Variants in COL24A1 observed in about 807,000 individuals in gnomAD.
COL24A1 encodes the protein collagen alpha-1(XXIV) chain.
In COL24A1, 224 loss-of-function variants were observed where a neutral mutation model predicts 253.9. The ratio of observed to expected loss-of-function variants is 0.88; its 90% CI spans 0.79 to 0.99. The LOEUF is 0.99. Among genes scored for constraint, COL24A1 ranks in the 50% least tolerant of loss-of-function variants. COL24A1 has a pLI of 0.00. For synonymous variants in COL24A1, 685 were observed against 673.7 expected (o/e 1.02, Z -0.26); for missense variants, 2,131 against 2,068.5 (o/e 1.03, Z -0.59).
chr1:85,731,603 T>G (rs1039876649), intron 59 of COL24A1, among the ~76,000 whole-genome samples: 1 of 152,180 alleles, frequency 6.6e-6, no homozygotes, highest in Admixed American at 6.5e-5. Context: ...ATATTTAGCA[T>G]AGTTGAATAA....
At chr1:86,054,630 G>A (rs1256307652) in intron 10 of COL24A1, among the ~76,000 whole-genome samples, 1 of 152,010 alleles carries the variant, frequency 6.6e-6, no homozygotes, top group Admixed American at 6.6e-5. Flanking sequence ...TTATTAAAAA[G>A]TCAGAAAATA....
intron 3 of COL24A1, among the ~76,000 whole-genome samples, chr1:86,124,374 C>T (rs1355605499): frequency 6.8e-6 from 1 of 147,002 alleles, no homozygotes; most frequent in Admixed American, 6.9e-5. Context: ...GTAAGTTTTA[C>T]ACTCTATTTT....
At chr1:85,733,906 A>AT (rs112415867) in intron 59 of COL24A1, among the ~76,000 whole-genome samples, 44,702 of 131,314 alleles carry the variant, frequency 0.34, 7,360 homozygotes, top group East Asian at 0.5. Context: ...ATTTAATTTA[A>AT]TTTTTTTTTT....
intron 23 of COL24A1, among the ~76,000 whole-genome samples, chr1:85,961,894 C>G (rs951964079): frequency 3.9e-5 from 6 of 152,152 alleles, no homozygotes; most frequent in African/African-American, 1.4e-4. Flanking sequence ...ATGAGCCAAT[C>G]GCTTCCCACT....
chr1:86,049,122 T>C (rs1024764417), intron 11 of COL24A1, among the ~76,000 whole-genome samples: 7 of 152,210 alleles, frequency 4.6e-5, no homozygotes, highest in African/African-American at 1.7e-4. Context: ...GGTGGCTTAG[T>C]TGTGGAATTA....
chr1:86,020,973 C>A (rs768478265), intron 18 of COL24A1, among the ~76,000 whole-genome samples: 20 of 152,250 alleles, frequency 1.3e-4, no homozygotes, highest in Middle Eastern at 3.4e-3. Flanking sequence ...AAGGTCACCA[C>A]TAACATTTCA....
rs1248546981 is a variant in COL24A1, at chr1:86,098,407, A to G, written c.1600-6087T>C. ...AAGGAGCTTCCCCCAAATGCTGGATATAGATTTTTCATCCTTGGCTGACAC... is the reference window on the plus strand; with the variant it reads ...AAGGAGCTTCCCCCAAATGCTGGATGTAGATTTTTCATCCTTGGCTGACAC... On this transcript the variant is annotated intron_variant, in intron 5 of 59. Transcript: ENST00000370571. Among the ~76,000 whole-genome samples, 7 of 32,170 alleles carry G rather than the reference A, an allele frequency of 2.2e-4. No individual in the cohort carries two copies. The South Asian group carries it at 4.7e-3, about 22-fold the overall frequency. 21.1% of individuals were successfully genotyped at this position (32,170 alleles called of 152,430 possible).
At chr1:86,107,664 A>G (rs1029840839) in intron 5 of COL24A1, among the ~76,000 whole-genome samples, 2 of 151,904 alleles carry the variant, frequency 1.3e-5, no homozygotes, top group Non-Finnish European at 2.9e-5. Context: ...CCTCCTGAGT[A>G]GCTGGGACTA....
chr1:85,824,299 G>T (rs1406177790), intron 43 of COL24A1, among the ~76,000 whole-genome samples: 2 of 152,102 alleles, frequency 1.3e-5, no homozygotes, highest in African/African-American at 4.8e-5. Context: ...GAGGGAGCGT[G>T]GCCCTGTTGA....
intron 7 of COL24A1, among the ~76,000 whole-genome samples, chr1:86,078,902 A>G (rs920397210): frequency 6.6e-6 from 1 of 152,182 alleles, no homozygotes; most frequent in Non-Finnish European, 1.5e-5. Context: ...CAGATTCAAT[A>G]CAATCTGTAT....
rs189512636 is a variant in COL24A1 at position 85,812,734 on chromosome 1, C to T, written c.3951+4054G>A. 3.2e-4 allele frequency among the ~76,000 whole-genome samples: 48 copies of T among 152,316 alleles called. 1 individual carries two copies. The highest frequency in any genetic ancestry group is 3.1e-3 in the Admixed American group (47 of 15,298). The stretch of plus-strand genomic sequence containing the variant: ...CTCTATAGAGTAGGTTCTCAATAAT[C>T]AGGTAAACAAGATGGACCTTTAGTG... On this transcript the variant is annotated intron_variant, in intron 47 of 59. Coordinates refer to ENST00000370571, the MANE Select transcript of COL24A1 (RefSeq NM_152890.7).
chr1:85,881,384 C>T (rs1016035743), intron 32 of COL24A1, among the ~76,000 whole-genome samples: 4 of 151,466 alleles, frequency 2.6e-5, no homozygotes, highest in Non-Finnish European at 4.4e-5. Flanking sequence ...ATTGGGAGGC[C>T]GAGGCGGGCC....
chr1:85,951,126 A>G (rs1405833457), intron 24 of COL24A1, among the ~76,000 whole-genome samples: 1 of 152,214 alleles, frequency 6.6e-6, no homozygotes, highest in East Asian at 1.9e-4. Flanking sequence ...TAGCAAATAA[A>G]TTTTAAAAAT....
At chr1:85,844,145 A>G (rs528103949) in intron 39 of COL24A1, among the ~76,000 whole-genome samples, 124 of 152,120 alleles carry the variant, frequency 8.2e-4, no homozygotes, top group African/African-American at 2.6e-3. Flanking sequence ...AAAAGAGAAA[A>G]AGGAATCTTT....
intron 59 of COL24A1, among the ~76,000 whole-genome samples, chr1:85,734,445 A>G (rs1238474506): frequency 6.6e-5 from 10 of 152,208 alleles, no homozygotes; most frequent in Admixed American, 6.5e-4. Context: ...CTATCTGTCT[A>G]TCTATCCATC....
chr1:85,866,049 G>C (rs886407797), intron 37 of COL24A1, among the ~76,000 whole-genome samples: 1 of 152,180 alleles, frequency 6.6e-6, no homozygotes, highest in South Asian at 2.1e-4. Flanking sequence ...GATCACTTGA[G>C]TTCAGGAGTT....
chr1:85,822,635 A>G (rs1183734944), intron 45 of COL24A1, among the ~76,000 whole-genome samples: 2 of 152,194 alleles, frequency 1.3e-5, no homozygotes, highest in African/African-American at 4.8e-5. Flanking sequence ...TAGTCAAACT[A>G]CTTTTTCCTC....
chr1:85,970,253 CA>C lies in COL24A1; in HGVS notation c.2436del (p.Ile812MetfsTer27). The C allele has an allele frequency of 2.5e-6, 4 of 1,593,532 alleles. No homozygotes were observed. The South Asian group carries it at 4.6e-5, about 19-fold the overall frequency. On this transcript the variant is annotated frameshift_variant, in exon 22 of 60. Transcript: ENST00000370571. LOFTEE classifies it high-confidence loss of function. ...CTTGGCCCCAGTTCCCCAAAGGCTCCAATTGGTCCTTCTTCTCCCTTAAAAA... is the reference window on the plus strand; with the variant it reads ...CTTGGCCCCAGTTCCCCAAAGGCTCCATTGGTCCTTCTTCTCCCTTAAAAA... The part of the protein sequence containing the change: ...LKGTQGEEGP[I>X]GAFGELGPRG...
intron 58 of COL24A1, 148 bp downstream of exon 58, chr1:85,737,248 A>T: frequency 2.0e-6 from 1 of 501,840 alleles, no homozygotes; most frequent in East Asian, 3.4e-5. Context: ...TTTAAAAAAT[A>T]ACATATTTAT....
Sources: allele counts gnomAD v4.1 joint callset (sites outside exome capture counted in the v4.1 genomes callset), GRCh38; gene constraint gnomAD v4.1.1; transcripts MANE v1.5; gene names NCBI Gene and HGNC (gene_info 2026-07-23, HGNC 2026-07-21).